Variants in RBFOX1 observed in about 807,000 individuals in gnomAD.
RBFOX1 encodes the protein RNA binding protein fox-1 homolog 1.
A neutral mutation model predicts 57.7 loss-of-function variants in RBFOX1; 8 were observed. The ratio of observed to expected loss-of-function variants is 0.14; its 90% CI spans 0.08 to 0.25. The LOEUF (loss-of-function observed/expected upper bound fraction) is 0.25. Among genes scored for constraint, RBFOX1 ranks in the 10% least tolerant of loss-of-function variants. The pLI, the probability that RBFOX1 is intolerant of heterozygous loss-of-function variation, is 1.00. For missense variants in RBFOX1, 611 were observed against 548.5 expected (o/e 1.11, Z -1.14); for synonymous variants, 326 against 222.4 (o/e 1.47, Z -4.15).
intron 4 of RBFOX1, among the ~76,000 whole-genome samples, chr16:7,141,515 A>G (rs766719378): frequency 6.6e-6 from 1 of 152,234 alleles, no homozygotes; most frequent in Non-Finnish European, 1.5e-5. Context: ...GAGTTTTGCT[A>G]GAGTGCATCA....
At chr16:7,389,343 C>G (rs951773218) in intron 4 of RBFOX1, among the ~76,000 whole-genome samples, 3 of 152,128 alleles carry the variant, frequency 2.0e-5, no homozygotes, top group African/African-American at 7.2e-5. Context: ...CCAGGCTGGT[C>G]TTAAACCCCT....
intron 2 of RBFOX1, among the ~76,000 whole-genome samples, chr16:6,519,181 T>C (rs373780561): frequency 4.6e-5 from 7 of 152,050 alleles, no homozygotes; most frequent in African/African-American, 1.4e-4. Flanking sequence ...GTCTGTGTAA[T>C]TTATCTCTAA....
intron 2 of RBFOX1, among the ~76,000 whole-genome samples, chr16:6,414,249 T>C (rs1194620978): frequency 2.0e-5 from 3 of 152,238 alleles, no homozygotes; most frequent in Non-Finnish European, 4.4e-5. Flanking sequence ...TCTGCCTGAA[T>C]TGATAAGTCA....
chr16:6,969,605 A>G (rs1355638476), intron 3 of RBFOX1, among the ~76,000 whole-genome samples: 2 of 152,028 alleles, frequency 1.3e-5, no homozygotes, highest in Non-Finnish European at 2.9e-5. Context: ...TTAGTTGGGC[A>G]TTATGGTGCA....
At chr16:7,455,756 C>T (rs1256613648) in intron 4 of RBFOX1, among the ~76,000 whole-genome samples, 1 of 128,328 alleles carries the variant, frequency 7.8e-6, no homozygotes, top group Non-Finnish European at 1.6e-5. Flanking sequence ...CATTGCACTC[C>T]AGCCTGGGAA....
intron 4 of RBFOX1, among the ~76,000 whole-genome samples, chr16:7,216,313 C>T (rs918259019): frequency 2.1e-5 from 3 of 146,300 alleles, no homozygotes; most frequent in Non-Finnish European, 3.0e-5. Flanking sequence ...AGTCTTTTGA[C>T]TTGTCTAAGC....
intron 4 of RBFOX1, among the ~76,000 whole-genome samples, chr16:7,361,828 A>T (rs1311560985): frequency 6.6e-6 from 1 of 151,676 alleles, no homozygotes; most frequent in Non-Finnish European, 1.5e-5. Flanking sequence ...TAGTGTGTGT[A>T]TGATTATGTA....
chr16:5,356,932 T>C (rs1387191418), intron 1 of RBFOX1, among the ~76,000 whole-genome samples: 1 of 152,222 alleles, frequency 6.6e-6, no homozygotes, highest in African/African-American at 2.4e-5. Flanking sequence ...GGCTAATTGC[T>C]TACATACATC....
At chr16:7,207,078 C>G (rs989287465) in intron 4 of RBFOX1, among the ~76,000 whole-genome samples, 3 of 152,140 alleles carry the variant, frequency 2.0e-5, no homozygotes, top group African/African-American at 7.2e-5. Context: ...TGTGTAGGTG[C>G]TTTTGTACAG....
At chr16:7,395,886 T>G (rs1017760610) in intron 4 of RBFOX1, among the ~76,000 whole-genome samples, 1 of 152,202 alleles carries the variant, frequency 6.6e-6, no homozygotes, top group Non-Finnish European at 1.5e-5. Context: ...GTTACATAAA[T>G]GTTTGTAATA....
intron 4 of RBFOX1, among the ~76,000 whole-genome samples, chr16:5,990,886 C>A (rs1596357008): frequency 1.3e-5 from 2 of 152,076 alleles, no homozygotes; most frequent in Non-Finnish European, 2.9e-5. Flanking sequence ...AGGCAGGAGA[C>A]TCGCTTGAAC....
intron 2 of RBFOX1, among the ~76,000 whole-genome samples, chr16:5,593,959 C>T (rs1025908840): frequency 6.6e-6 from 1 of 152,120 alleles, no homozygotes; most frequent in Admixed American, 6.5e-5. Context: ...GTGCTTCATC[C>T]GTAGGAACCC....
intron 3 of RBFOX1, among the ~76,000 whole-genome samples, chr16:6,674,623 G>T (rs909160465): frequency 6.6e-6 from 1 of 151,966 alleles, no homozygotes; most frequent in Non-Finnish European, 1.5e-5. Context: ...TGCCCAGCCC[G>T]AATGGGCTCT....
intron 3 of RBFOX1, among the ~76,000 whole-genome samples, chr16:5,856,580 T>TGTATATGTAC (rs2057073479): frequency 1.6e-5 from 1 of 64,226 alleles, no homozygotes; most frequent in African/African-American, 4.7e-5. Flanking sequence ...TGTGTGTATA[T>TGTATATGTAC]ATATATATAT....
intron 4 of RBFOX1, among the ~76,000 whole-genome samples, chr16:7,057,857 A>C (rs1348903036): frequency 6.6e-6 from 1 of 151,886 alleles, no homozygotes; most frequent in Non-Finnish European, 1.5e-5. Context: ...AAAATACAAA[A>C]ATTAGCCAGG....
intron 4 of RBFOX1, among the ~76,000 whole-genome samples, chr16:7,325,224 T>C (rs980919612): frequency 1.3e-5 from 2 of 152,228 alleles, no homozygotes; most frequent in Non-Finnish European, 2.9e-5. Context: ...TATACTGTAC[T>C]TATTTAAATC....
chr16:6,873,166 C>G (rs927241890), intron 3 of RBFOX1, among the ~76,000 whole-genome samples: 2 of 151,028 alleles, frequency 1.3e-5, no homozygotes, highest in Non-Finnish European at 2.9e-5. Context: ...AGACTTTCCT[C>G]CTGAAGCGTG....
chr16:5,331,842 G>A (rs1211363878), intron 1 of RBFOX1, among the ~76,000 whole-genome samples: 1 of 152,212 alleles, frequency 6.6e-6, no homozygotes, highest in Non-Finnish European at 1.5e-5. Context: ...TGGTGACCAT[G>A]CCCACCCTGG....
At chr16:6,833,103 G>T (rs971225260) in intron 3 of RBFOX1, among the ~76,000 whole-genome samples, 1 of 149,986 alleles carries the variant, frequency 6.7e-6, no homozygotes, top group Non-Finnish European at 1.5e-5. Flanking sequence ...CTTTCTGGAA[G>T]GCTTTTTCTG....
Sources: gnomAD v4.1 joint callset for allele counts (sites outside exome capture counted in the v4.1 genomes callset) on GRCh38, gnomAD v4.1.1 for gene constraint, MANE v1.5 for transcripts, NCBI Gene and HGNC (gene_info 2026-07-23, HGNC 2026-07-21) for gene names.